The following MAN2A1 variants were observed in gnomAD, a reference collection of about 807,000 sequenced individuals.
The protein encoded by MAN2A1 is alpha-mannosidase 2.
MAN2A1 carries 76 observed loss-of-function variants against 142.6 expected under a neutral mutation model. The ratio of observed to expected loss-of-function variants is 0.53; its 90% CI spans 0.44 to 0.65. MAN2A1 has a LOEUF of 0.65. Among genes scored for constraint, MAN2A1 ranks in the 30% least tolerant of loss-of-function variants. The pLI is 0.00. For synonymous variants in MAN2A1, 559 were observed against 473.2 expected (o/e 1.18, Z -2.35); for missense variants, 1,311 against 1,365.1 (o/e 0.96, Z 0.62).
intron 1 of MAN2A1, among the ~76,000 whole-genome samples, chr5:109,710,543 C>T (rs548481381): frequency 1.3e-5 from 2 of 150,280 alleles, no homozygotes; most frequent in African/African-American, 4.9e-5. Context: ...CTCGCTTTAT[C>T]GCCTATGTTG....
Position 109,760,622 on chromosome 5 carries a change from A to G in MAN2A1, c.835+5166A>G, listed in dbSNP as rs185869240. The stretch of plus-strand genomic sequence containing the variant: ...AATGTAAAAGCATTCCTATTTCTCC[A>G]CATCCTGTCCCGCATCTGTTGTTTC... On this transcript the variant is annotated intron_variant, in intron 5 of 21. Transcript: ENST00000261483. 6.6e-4 allele frequency among the ~76,000 whole-genome samples: 101 copies of G among 152,246 alleles called. 1 individual carries two copies. Among genetic ancestry groups the G allele is most frequent in the East Asian group, 3.9e-3 (20 of 5,186 alleles).
intron 12 of MAN2A1, 57 bp from the exon 13 acceptor site, chr5:109,817,216 A>G: frequency 1.4e-6 from 2 of 1,470,636 alleles, no homozygotes; most frequent in Non-Finnish European, 1.9e-6. Context: ...ATGTATATGT[A>G]TATGTAAGAA....
intron 16 of MAN2A1, among the ~76,000 whole-genome samples, chr5:109,832,951 C>T (rs548836575): frequency 9.3e-4 from 141 of 151,284 alleles, no homozygotes; most frequent in African/African-American, 3.1e-3. Flanking sequence ...ACCTCCCAGA[C>T]GGGGTGGCGG....
At chr5:109,830,303 T>C (rs550820911) in intron 16 of MAN2A1, among the ~76,000 whole-genome samples, 1 of 152,242 alleles carries the variant, frequency 6.6e-6, no homozygotes. Flanking sequence ...GTTTGTCCTT[T>C]AATTTCTTAG....
At chr5:109,755,130 C>CA (rs1752654621) in intron 4 of MAN2A1, among the ~76,000 whole-genome samples, 199 bp from the exon 5 acceptor site, 1 of 152,170 alleles carries the variant, frequency 6.6e-6, no homozygotes, top group South Asian at 2.1e-4. Context: ...TGCAGAAGGG[C>CA]AGGGGTTACC....
intron 6 of MAN2A1, among the ~76,000 whole-genome samples, chr5:109,769,579 G>C (rs1753085754): frequency 1.3e-5 from 2 of 152,094 alleles, no homozygotes; most frequent in South Asian, 4.1e-4. Context: ...CTCACTTGTT[G>C]GTAGGCTTCT....
intron 8 of MAN2A1, 51 bp downstream of exon 8, chr5:109,775,016 T>C (rs370468768): frequency 6.9e-5 from 85 of 1,225,490 alleles, no homozygotes; most frequent in Non-Finnish European, 9.5e-5. Flanking sequence ...CCTTTATTAT[T>C]AAATGAGACT....
intron 3 of MAN2A1, among the ~76,000 whole-genome samples, chr5:109,717,247 A>G (rs1411630513): frequency 1.3e-5 from 2 of 151,856 alleles, no homozygotes; most frequent in African/African-American, 4.8e-5. Context: ...TTTTTTCCCC[A>G]TTAGTTTATT....
chr5:109,744,623 G>A (rs1016860089), intron 4 of MAN2A1, among the ~76,000 whole-genome samples: 3 of 152,140 alleles, frequency 2.0e-5, no homozygotes, highest in Admixed American at 2.0e-4. Context: ...AACGTCAAAA[G>A]TTGGCAAGAA....
intron 3 of MAN2A1, among the ~76,000 whole-genome samples, chr5:109,720,532 T>C (rs1187620067): frequency 6.6e-6 from 1 of 152,202 alleles, no homozygotes; most frequent in Non-Finnish European, 1.5e-5. Context: ...CAAGTATAGT[T>C]AGAATTTGAA....
At chr5:109,784,996 TG>T (rs1753560227) in intron 10 of MAN2A1, 70 bp downstream of exon 10, 10 of 1,196,470 alleles carry the variant, frequency 8.4e-6, no homozygotes, top group Admixed American at 7.6e-5. Context: ...TTATATCTTT[TG>T]GTGAAGTTGT....
chr5:109,715,403 G>C (rs1248892442), intron 2 of MAN2A1, among the ~76,000 whole-genome samples: 2 of 151,848 alleles, frequency 1.3e-5, no homozygotes, highest in Non-Finnish European at 2.9e-5. Context: ...ATATTATAGA[G>C]ACTATGAAGA....
intron 4 of MAN2A1, among the ~76,000 whole-genome samples, chr5:109,744,763 T>G (rs1216555752): frequency 6.6e-6 from 1 of 152,018 alleles, no homozygotes; most frequent in South Asian, 2.1e-4. Flanking sequence ...CTCCTAGCAA[T>G]TTACCCAAGA....
At chr5:109,782,738 C>G (rs1006204470) in intron 9 of MAN2A1, among the ~76,000 whole-genome samples, 4 of 151,840 alleles carry the variant, frequency 2.6e-5, no homozygotes, top group Non-Finnish European at 1.5e-5. Flanking sequence ...TACTGTTACT[C>G]GTAATATGCC....
intron 4 of MAN2A1, among the ~76,000 whole-genome samples, chr5:109,739,877 C>G (rs1490267609): frequency 6.6e-6 from 1 of 152,138 alleles, no homozygotes; most frequent in Admixed American, 6.6e-5. Context: ...CTCAGTTAAT[C>G]AGCATATTAT....
intron 5 of MAN2A1, among the ~76,000 whole-genome samples, chr5:109,759,583 A>G (rs1014839504): frequency 2.6e-5 from 4 of 152,120 alleles, no homozygotes; most frequent in African/African-American, 9.7e-5. Flanking sequence ...TTTTATGGGC[A>G]TATGTTTTCC....
At chr5:109,801,342 G>C (rs1279218693) in intron 12 of MAN2A1, among the ~76,000 whole-genome samples, 1 of 152,126 alleles carries the variant, frequency 6.6e-6, no homozygotes, top group Non-Finnish European at 1.5e-5. Context: ...ATGGCAGTTG[G>C]GATAAACTGG....
At chr5:109,735,720 A>G (rs993580493) in intron 4 of MAN2A1, among the ~76,000 whole-genome samples, 2 of 152,160 alleles carry the variant, frequency 1.3e-5, no homozygotes, top group Non-Finnish European at 2.9e-5. Context: ...AAGTTCTTTC[A>G]ATGAGTGAAC....
At chr5:109,766,762 A>G (rs1363757241) in intron 5 of MAN2A1, among the ~76,000 whole-genome samples, 3 of 152,198 alleles carry the variant, frequency 2.0e-5, no homozygotes, top group African/African-American at 7.2e-5. Context: ...TTATTTGAGA[A>G]TCCCAAATAA....
Sources: gnomAD v4.1 joint callset for allele counts (sites outside exome capture counted in the v4.1 genomes callset) on GRCh38, gnomAD v4.1.1 for gene constraint, MANE v1.5 for transcripts, NCBI Gene and HGNC (gene_info 2026-07-23, HGNC 2026-07-21) for gene names.